Variants in TRANK1 observed in about 807,000 individuals in gnomAD.
The protein encoded by TRANK1 is tetratricopeptide repeat and ankyrin repeat containing 1.
A neutral mutation model predicts 266.0 loss-of-function variants in TRANK1; 198 were observed. That is an observed-to-expected ratio of 0.74 (90% CI 0.66 to 0.84). The LOEUF (loss-of-function observed/expected upper bound fraction) is 0.84. Among genes scored for constraint, TRANK1 ranks in the 40% least tolerant of loss-of-function variants. The probability of loss-of-function intolerance (pLI) is 0.00; values close to 1 mark genes in which losing one functional copy is unlikely to be tolerated. For missense variants in TRANK1, 3,326 were observed against 3,634.6 expected, an observed-to-expected ratio of 0.92 and a Z score of 2.18; for synonymous variants, 1,396 against 1,384.1, an observed-to-expected ratio of 1.01 and a Z score of -0.19.
chr3:36,863,568 C>T (rs575554928), intron 10 of TRANK1, among the ~76,000 whole-genome samples: 3 of 152,320 alleles, frequency 2.0e-5, no homozygotes, highest in South Asian at 4.1e-4. Context: ...TAACAGCTAA[C>T]GAGTACTAGC....
chr3:36,849,517 T>A (rs1383268569), intron 15 of TRANK1, among the ~76,000 whole-genome samples: 1 of 152,040 alleles, frequency 6.6e-6, no homozygotes, highest in Non-Finnish European at 1.5e-5. Flanking sequence ...CACCCACATA[T>A]AAGCCCAGAT....
At position 36,875,118 on chromosome 3, in the gene TRANK1, T is replaced by C. The variant is rs181267178; in HGVS notation, c.908-822A>G. ...TCTGACCTGCTGTGCATCCACACTT[T>C]TTCCCAGTTATTCAATCAAATACTA... On this transcript the variant is annotated intron_variant, in intron 8 of 23. Coordinates refer to ENST00000645898, the MANE Select transcript of TRANK1 (RefSeq NM_001329998.2). Among the ~76,000 whole-genome samples the C allele has an allele frequency of 2.1e-4, 32 of 152,278 alleles. 1 individual carries two copies. In the South Asian group the frequency reaches 5.8e-3, roughly 28 times the overall value.
At chr3:36,842,567 G>T in intron 18 of TRANK1, 55 bp downstream of exon 18, 2 of 1,498,412 alleles carry the variant, frequency 1.3e-6, no homozygotes, top group Non-Finnish European at 1.9e-6. Flanking sequence ...AAACCTGCCT[G>T]TGAGGTCTGA....
chr3:36,892,450 G>A (rs1332483009), intron 6 of TRANK1, 110 bp from the exon 7 acceptor site: 6 of 1,310,728 alleles, frequency 4.6e-6, no homozygotes, highest in Middle Eastern at 2.1e-4. Flanking sequence ...ATTAGCTGTG[G>A]TCCAAGCCTA....
At chr3:36,891,051 C>T (rs1349801083) in intron 7 of TRANK1, among the ~76,000 whole-genome samples, 1 of 152,164 alleles carries the variant, frequency 6.6e-6, no homozygotes, top group Non-Finnish European at 1.5e-5. Flanking sequence ...AGAATAAAAT[C>T]TCTTGGCCAG....
chr3:36,918,996 G>A (rs1180935747), intron 1 of TRANK1, among the ~76,000 whole-genome samples: 1 of 152,126 alleles, frequency 6.6e-6, no homozygotes, highest in Non-Finnish European at 1.5e-5. Context: ...TAATTTATGT[G>A]CCCATAAAAA....
intron 14 of TRANK1, 99 bp downstream of exon 14, chr3:36,852,047 C>T: frequency 7.2e-7 from 1 of 1,393,166 alleles, no homozygotes; most frequent in Non-Finnish European, 9.6e-7. Context: ...GGGACAGGGA[C>T]TATTTTTAAT....
intron 1 of TRANK1, among the ~76,000 whole-genome samples, chr3:36,943,138 G>A (rs944395621): frequency 3.3e-5 from 5 of 152,038 alleles, no homozygotes; most frequent in African/African-American, 1.2e-4. Flanking sequence ...GCTGCAGTGA[G>A]CCGAGATCGC....
intron 1 of TRANK1, among the ~76,000 whole-genome samples, chr3:36,925,541 T>C (rs546107995): frequency 4.7e-4 from 71 of 152,330 alleles, no homozygotes; most frequent in African/African-American, 1.6e-3. Context: ...ACCTAGAATT[T>C]TTTTAACCTT....
Position 36,889,852 on chromosome 3 carries a change from T to G in TRANK1, c.884A>C (p.His295Pro). ...GCTVLHVVAA[H>P]SPGYLVKRQT... ...ACGCTTAACGAGGTATCCTGGGGAG[T>G]GGGCAGCGACGACGTGCAGGACAGT... Residue 295 changes from histidine to proline, a missense_variant, in exon 8 of 24, where the codon CAC (histidine) becomes CCC (proline). His to Pro is a moderately conservative substitution (Grantham distance 77, BLOSUM62 -2). Transcript: ENST00000645898. The G allele has an allele frequency of 6.5e-7, 1 of 1,536,690 alleles. No individual in the cohort carries two copies. The highest frequency in any genetic ancestry group is 1.2e-5 in the South Asian group (1 of 83,996).
At chr3:36,873,019 G>A (rs2079332415) in intron 9 of TRANK1, among the ~76,000 whole-genome samples, 2 of 152,158 alleles carry the variant, frequency 1.3e-5, no homozygotes, top group Non-Finnish European at 2.9e-5. Flanking sequence ...TGAGGAACAA[G>A]GTTTTACAGT....
rs372849117 is a variant in TRANK1, at chr3:36,857,213, C to T, written c.2509G>A (p.Glu837Lys). ...QDFDNMTWEI[E>K]CTSEMLKKLS... is the part of the protein sequence containing the mutation. ...TTCTTCAGCATTTCTGAAGTGCACTCGATCTCCCAGGTCATGTTATCGAAG... is the reference window on the plus strand; with the variant it reads ...TTCTTCAGCATTTCTGAAGTGCACTTGATCTCCCAGGTCATGTTATCGAAG... The change falls in exon 13 of 24, where the codon GAG (glutamate) becomes AAG (lysine). Residue 837 changes from glutamate to lysine, a missense_variant. Transcript: ENST00000645898. This position sits in a 1 kb window ranked among gnomAD's most constrained non-coding sequence, Gnocchi z 4.3. 2.5e-6 allele frequency: 4 copies of T among 1,613,874 alleles called. No individual in the cohort carries two copies. The highest frequency in any genetic ancestry group is 2.2e-5 in the East Asian group (1 of 44,876).
chr3:36,906,225 T>A (rs1188613858), intron 2 of TRANK1, among the ~76,000 whole-genome samples: 1 of 151,896 alleles, frequency 6.6e-6, no homozygotes, highest in African/African-American at 2.4e-5. Context: ...TCAACTAGAG[T>A]GTAGACATCA....
intron 1 of TRANK1, among the ~76,000 whole-genome samples, chr3:36,943,680 T>C (rs2080529583): frequency 6.6e-6 from 1 of 150,942 alleles, no homozygotes; most frequent in Admixed American, 6.6e-5. Flanking sequence ...GCCATCCGGA[T>C]AACAGCCTTA....
chr3:36,857,459 G>C lies in TRANK1; in HGVS notation c.2263C>G (p.Gln755Glu). ...VDPSFPEDCL[Q>E]SSEPLEAGAG... ...CCTGCCTCCAGAGGCTCAGAGCTCT[G>C]AAGACAGTCCTCTGGGAAAGACGGA... Residue 755 changes from glutamine to glutamate, a missense_variant, in exon 13 of 24, where the codon CAG becomes GAG. Physicochemically the swap from Gln to Glu is conservative, Grantham distance 29. Transcript: ENST00000645898. This position sits in a 1 kb window ranked among gnomAD's most constrained non-coding sequence, Gnocchi z 4.3. 6.2e-7 allele frequency: 1 copy of C among 1,613,978 alleles called. No homozygotes were observed. Among genetic ancestry groups the C allele is most frequent in the Non-Finnish European group, 8.5e-7 (1 of 1,179,878 alleles).
Position 36,857,995 on chromosome 3 carries a change from GGGTTGGACCA to G in TRANK1, c.1717_1726del (p.Trp573ProfsTer19), listed in dbSNP as rs1329050993. 1 of 1,596,704 alleles carries G rather than the reference GGGTTGGACCA, an allele frequency of 6.3e-7. No homozygotes were observed. Among genetic ancestry groups the G allele is most frequent in the Non-Finnish European group, 8.5e-7 (1 of 1,178,122 alleles). On this transcript the variant is annotated frameshift_variant, in exon 13 of 24. Transcript: ENST00000645898. LOFTEE classifies it high-confidence loss of function. This position sits in a 1 kb window ranked among gnomAD's most constrained non-coding sequence, Gnocchi z 4.3. ...GGGGTTGAGGTAGTCGAATTCAGTG[GGGTTGGACCA>G]AAACAGATCCAACAGATGGCTGAGG...
chr3:36,883,167 G>A (rs548774113), intron 8 of TRANK1, among the ~76,000 whole-genome samples: 6 of 152,132 alleles, frequency 3.9e-5, no homozygotes, highest in African/African-American at 7.2e-5. Context: ...CAGGCAAGGT[G>A]CAATGGCTCA....
At position 36,855,384 on chromosome 3, in the gene TRANK1, C is replaced by A; in HGVS notation, c.4338G>T (p.Glu1446Asp). Residue 1446 changes from glutamate (E) to aspartate (D), a missense_variant, in exon 13 of 24, where the codon GAG becomes GAT. Coordinates refer to ENST00000645898, the MANE Select transcript of TRANK1 (RefSeq NM_001329998.2). ...GDEIQDFTQA[E>D]LALLMKCIND... is the part of the protein sequence containing the mutation. ...TGATGCATTTCATCAGCAGCGCCAGCTCGGCCTGGGTAAAGTCTTGAATCT... is the reference window on the plus strand; with the variant it reads ...TGATGCATTTCATCAGCAGCGCCAGATCGGCCTGGGTAAAGTCTTGAATCT... The A allele has an allele frequency of 6.2e-7, 1 of 1,614,056 alleles. No individual in the cohort carries two copies. The highest frequency in any genetic ancestry group is 8.5e-7 in the Non-Finnish European group (1 of 1,179,886).
chr3:36,834,656 G>T, intron 21 of TRANK1, 106 bp downstream of exon 21: 1 of 1,337,324 alleles, frequency 7.5e-7, no homozygotes, highest in South Asian at 1.4e-5. Context: ...GGAGCAATGT[G>T]GTCAAACCAT....
Sources: gnomAD v4.1 joint callset for allele counts (sites outside exome capture counted in the v4.1 genomes callset) on GRCh38, gnomAD v4.1.1 for gene constraint, Gnocchi (gnomAD v3.1) non-coding constraint, MANE v1.5 for transcripts, NCBI Gene and HGNC (gene_info 2026-07-23, HGNC 2026-07-21) for gene names.